Variants in IQCJ observed in about 807,000 individuals in gnomAD.
The protein encoded by IQCJ is IQ domain-containing protein J.
Under a neutral mutation model 11.0 loss-of-function variants are expected in IQCJ, and 9 were observed. The observed-to-expected ratio is 0.82, with a 90% CI of 0.49 to 1.43. IQCJ has a LOEUF of 1.43. IQCJ is among the 40% of genes most tolerant of loss of function. The probability of loss-of-function intolerance (pLI) is 0.00; values close to 1 mark genes in which losing one functional copy is unlikely to be tolerated. For synonymous variants in IQCJ, 55 were observed against 51.3 expected, an observed-to-expected ratio of 1.07 and a Z score of -0.31; for missense variants, 146 against 133.2, an observed-to-expected ratio of 1.10 and a Z score of -0.47.
intron 1 of IQCJ, among the ~76,000 whole-genome samples, chr3:159,206,175 T>C (rs111271760): frequency 0.023 from 3,550 of 152,308 alleles, 144 homozygotes; most frequent in African/African-American, 0.08. Context: ...TTCTCCCTTT[T>C]CAATGGAACA....
chr3:159,133,556 A>G (rs1313956017), intron 1 of IQCJ, among the ~76,000 whole-genome samples: 5 of 152,184 alleles, frequency 3.3e-5, no homozygotes, highest in African/African-American at 1.2e-4. Flanking sequence ...GGTACACATT[A>G]TATTATTTAT....
chr3:159,164,195 G>T (rs1198836448), intron 1 of IQCJ, among the ~76,000 whole-genome samples: 1 of 152,076 alleles, frequency 6.6e-6, no homozygotes. Context: ...ATGTCAAAAG[G>T]TTGTCCTTGG....
chr3:159,072,157 T>C (rs1050785411), intron 1 of IQCJ, among the ~76,000 whole-genome samples: 1 of 152,124 alleles, frequency 6.6e-6, no homozygotes, highest in Non-Finnish European at 1.5e-5. Context: ...ACACCTTCAA[T>C]ATGGTTTGAG....
At chr3:159,084,411 G>C (rs1716563015) in intron 1 of IQCJ, among the ~76,000 whole-genome samples, 1 of 152,018 alleles carries the variant, frequency 6.6e-6, no homozygotes, top group Admixed American at 6.6e-5. Flanking sequence ...TCTGGGAGTT[G>C]TTTGCATAAA....
chr3:159,227,336 T>C (rs1342490336), intron 1 of IQCJ, among the ~76,000 whole-genome samples: 1 of 152,234 alleles, frequency 6.6e-6, no homozygotes, highest in South Asian at 2.1e-4. Context: ...TCAAGGTCTA[T>C]TAAAGTTTAT....
chr3:159,196,164 C>T (rs886239025), intron 1 of IQCJ, among the ~76,000 whole-genome samples: 2 of 152,180 alleles, frequency 1.3e-5, no homozygotes, highest in African/African-American at 4.8e-5. Flanking sequence ...GAACCTACGC[C>T]TAATTTCAGA....
chr3:159,158,469 C>T lies in IQCJ; in HGVS notation c.10-87374C>T, dbSNP rs537918661. 1.1e-4 allele frequency among the ~76,000 whole-genome samples: 17 copies of T among 152,202 alleles called. 1 individual carries two copies. Among genetic ancestry groups the T allele is most frequent in the South Asian group, 4.1e-4 (2 of 4,820 alleles). ...CCTGGTGGTTGATTGAAAGGGTTTC[C>T]GGAATTCTCAGAACCCAATTTTGGA... On this transcript the variant is annotated intron_variant, in intron 1 of 3. Transcript: ENST00000397832.
chr3:159,166,586 A>G (rs1252797405), intron 1 of IQCJ, among the ~76,000 whole-genome samples: 1 of 152,238 alleles, frequency 6.6e-6, no homozygotes, highest in Non-Finnish European at 1.5e-5. Flanking sequence ...TTAATATAAA[A>G]GAACTAGCTC....
At position 159,205,675 on chromosome 3, in the gene IQCJ, G is replaced by A. The variant is rs749005178; in HGVS notation, c.10-40168G>A. On this transcript the variant is annotated intron_variant, in intron 1 of 3. Coordinates refer to ENST00000397832, the MANE Select transcript of IQCJ (RefSeq NM_001042706.3). Reference sequence around the variant, plus strand: ...AGGCAAAGGCCAGACATCTTTTTTGGTAGGGTTAAATCCTTTACTACACAG... The same window carrying A: ...AGGCAAAGGCCAGACATCTTTTTTGATAGGGTTAAATCCTTTACTACACAG... 2.6e-5 allele frequency among the ~76,000 whole-genome samples: 4 copies of A among 152,164 alleles called. No homozygotes were observed. In the South Asian group the frequency reaches 6.2e-4, roughly 24 times the overall value.
At position 159,263,425 on chromosome 3, in the gene IQCJ, G is replaced by A; in HGVS notation, c.*694G>A. ...CTGAGATAGAGAGTTAAGGAATAAG[G>A]GAATCTGCTGGAAGTCTTTATTTTT... On this transcript the variant is annotated 3_prime_UTR_variant, in exon 4 of 4. Coordinates refer to ENST00000397832, the MANE Select transcript of IQCJ (RefSeq NM_001042706.3). The A allele has an allele frequency of 3.1e-6, 3 of 982,970 alleles. No homozygotes were observed. Among genetic ancestry groups the A allele is most frequent in the East Asian group, 1.1e-4 (1 of 8,792 alleles). The allele number at this position is 982,970 out of a possible 1,614,324, so 60.9% of individuals were successfully genotyped here. A position where few individuals can be genotyped will look rare whatever the true frequency, so the allele number is the denominator to read the frequency against.
Position 159,115,782 on chromosome 3 carries a change from C to T in IQCJ, c.9+46341C>T, listed in dbSNP as rs561972028. Among the ~76,000 whole-genome samples the T allele has an allele frequency of 5.3e-5, 8 of 152,128 alleles. 1 individual carries two copies. The Middle Eastern group carries it at 0.014, about 259-fold the overall frequency. The stretch of plus-strand genomic sequence containing the variant: ...AAAAATGTTTTTTTTAAAAAATAGC[C>T]GGCATTCTCAGCAAACTAACACAAA... On this transcript the variant is annotated intron_variant, in intron 1 of 3. Transcript: ENST00000397832.
chr3:159,235,536 G>A (rs926214355), intron 1 of IQCJ, among the ~76,000 whole-genome samples: 3 of 152,270 alleles, frequency 2.0e-5, no homozygotes, highest in African/African-American at 7.2e-5. Context: ...GATCCAGTGC[G>A]AGTGGATTGC....
At chr3:159,130,128 C>T (rs1008342050) in intron 1 of IQCJ, among the ~76,000 whole-genome samples, 3 of 152,272 alleles carry the variant, frequency 2.0e-5, no homozygotes, top group South Asian at 4.1e-4. Flanking sequence ...TTTTCTCCAC[C>T]TCTATAATTG....
At position 159,201,737 on chromosome 3, in the gene IQCJ, CCATTCACCTGCCT is replaced by C. The variant is rs1483893203; in HGVS notation, c.10-44090_10-44078del. ...GCAAGCTCCGCCTCCCGGGTTCACG[CCATTCACCTGCCT>C]CATTCACCTGCCTCAGCCTGATAAT... is the stretch of plus-strand genomic sequence containing the variant. On this transcript the variant is annotated intron_variant, in intron 1 of 3. Coordinates refer to ENST00000397832, the MANE Select transcript of IQCJ (RefSeq NM_001042706.3). 5.4e-5 allele frequency among the ~76,000 whole-genome samples: 8 copies of C among 149,054 alleles called. No homozygotes were observed. The South Asian group carries it at 8.5e-4, about 16-fold the overall frequency.
intron 1 of IQCJ, among the ~76,000 whole-genome samples, chr3:159,151,348 A>C (rs1026571033): frequency 5.9e-5 from 9 of 152,166 alleles, no homozygotes; most frequent in Non-Finnish European, 1.3e-4. Flanking sequence ...GAGCATCTAG[A>C]ATCCAGCCTA....
chr3:159,242,303 T>C (rs1726972361), intron 1 of IQCJ, among the ~76,000 whole-genome samples: 1 of 152,214 alleles, frequency 6.6e-6, no homozygotes, highest in African/African-American at 2.4e-5. Context: ...CACTTATCTA[T>C]ATTTGTTTAA....
At chr3:159,248,441 G>A (rs566911982) in intron 2 of IQCJ, among the ~76,000 whole-genome samples, 19 of 152,120 alleles carry the variant, frequency 1.2e-4, no homozygotes, top group Admixed American at 3.3e-4. Flanking sequence ...CACCACCACC[G>A]TCAATAGCTA....
chr3:159,169,827 AC>A (rs1220247855), intron 1 of IQCJ, among the ~76,000 whole-genome samples: 1 of 152,138 alleles, frequency 6.6e-6, no homozygotes, highest in East Asian at 1.9e-4. Flanking sequence ...TGAGGACTTT[AC>A]CTGCCTTTGA....
intron 3 of IQCJ, among the ~76,000 whole-genome samples, chr3:159,255,497 C>T (rs946081844): frequency 5.9e-5 from 9 of 152,170 alleles, no homozygotes; most frequent in Non-Finnish European, 2.9e-5. Context: ...TCCTCGTACT[C>T]AGGACATCGT....
Sources: allele counts gnomAD v4.1 joint callset (sites outside exome capture counted in the v4.1 genomes callset), GRCh38; gene constraint gnomAD v4.1.1; transcripts MANE v1.5; gene names NCBI Gene and HGNC (gene_info 2026-07-23, HGNC 2026-07-21).